CPZ: variants seen among roughly 807,000 people sequenced by gnomAD.
CPZ encodes the protein carboxypeptidase Z, also known as VEZT/CPZ fusion.
Under a neutral mutation model 61.8 loss-of-function variants are expected in CPZ, and 103 were observed. The observed-to-expected ratio is 1.67, with a 90% confidence interval of 1.42 to 1.96. The LOEUF (loss-of-function observed/expected upper bound fraction) is 1.96, where lower values mean the gene tolerates loss of function less well. Ranked by LOEUF, CPZ falls within the 30% of genes most tolerant of loss-of-function variation. The probability of loss-of-function intolerance (pLI) is 0.00; values close to 1 mark genes in which losing one functional copy is unlikely to be tolerated. For synonymous variants in CPZ, 551 were observed against 373.7 expected (o/e 1.47, Z -5.47); for missense variants, 1,461 against 914.9 (o/e 1.60, Z -7.70).
intron 7 of CPZ, among the ~76,000 whole-genome samples, chr4:8,608,725 C>G (rs141055557): frequency 1.4e-4 from 22 of 151,768 alleles, no homozygotes; most frequent in African/African-American, 4.6e-4. Flanking sequence ...AGGAGGGCTT[C>G]CCTGAGGTGG....
chr4:8,604,168 G>A lies in CPZ; in HGVS notation c.689G>A (p.Arg230His), dbSNP rs750155258. The change falls in exon 4 of 11, where the codon CGC (arginine) becomes CAC (histidine). Residue 230 changes from arginine to histidine, a missense_variant. Transcript: ENST00000360986. ...RELLVIEFSS[R>H]PGQHELMEPE... is the part of the protein sequence containing the mutation. ...CTGCTGGTCATCGAGTTCTCCAGCC[G>A]CCCCGGCCAGCACGAGCTGAGTGAG... 11 of 1,564,664 alleles carry A rather than the reference G, an allele frequency of 7.0e-6. No homozygotes were observed. Among genetic ancestry groups the A allele is most frequent in the South Asian group, 3.5e-5 (3 of 85,718 alleles).
In CPZ at chr4:8,619,283, G is replaced by A. The variant is rs201311801; in HGVS notation, c.1625G>A (p.Arg542Lys). 7 of 1,612,710 alleles carry A rather than the reference G, an allele frequency of 4.3e-6. No individual in the cohort carries two copies. The highest frequency in any genetic ancestry group is 2.2e-5 in the East Asian group (1 of 44,806). Residue 542 changes from arginine to lysine, a missense_variant, in exon 11 of 11, where the codon AGA becomes AAA. Transcript: ENST00000360986. ...ITTAPDGDYW[R>K]LLPPGIHIVI... ...ACAGCCCCAGATGGTGACTACTGGAGACTGCTGCCCCCAGGTATCCACATT... is the reference window on the plus strand; with the variant it reads ...ACAGCCCCAGATGGTGACTACTGGAAACTGCTGCCCCCAGGTATCCACATT...
intron 9 of CPZ, among the ~76,000 whole-genome samples, chr4:8,615,083 G>A (rs1057197185): frequency 6.6e-6 from 1 of 152,062 alleles, no homozygotes; most frequent in Non-Finnish European, 1.5e-5. Flanking sequence ...GGGTTTTGGG[G>A]CCTCAGAGTG....
In CPZ at chr4:8,592,804, C is replaced by T. The variant is rs746319959; in HGVS notation, c.-30C>T. The T allele has an allele frequency of 1.3e-5, 18 of 1,413,862 alleles. No individual in the cohort carries two copies. The African/African-American group carries it at 1.3e-4, about 11-fold the overall frequency. The allele number at this position is 1,413,862 out of a possible 1,614,324, so 87.6% of individuals were successfully genotyped here. On this transcript the variant is annotated 5_prime_UTR_variant, in exon 1 of 11. Coordinates refer to ENST00000360986, the MANE Select transcript of CPZ (RefSeq NM_001014447.3). ...GCGCGGCCCGAGTGCCACATCACTG[C>T]GCTGGCCGTCCAAGGTCCGCCGCCC...
chr4:8,617,619 T>A (rs1051947449), intron 9 of CPZ, among the ~76,000 whole-genome samples: 1 of 152,230 alleles, frequency 6.6e-6, no homozygotes, highest in Non-Finnish European at 1.5e-5. Flanking sequence ...AGGGCCTGGC[T>A]GGGAGCCCTT....
intron 7 of CPZ, among the ~76,000 whole-genome samples, chr4:8,609,425 A>C (rs900753419): frequency 2.8e-5 from 4 of 142,818 alleles, no homozygotes; most frequent in Admixed American, 6.7e-5. Context: ...TCCTTCCCTC[A>C]CTCATTCATT....
chr4:8,600,241 T>G (rs545401668), intron 2 of CPZ, among the ~76,000 whole-genome samples: 3 of 152,310 alleles, frequency 2.0e-5, no homozygotes, highest in African/African-American at 4.8e-5. Context: ...CCTCCCAAAA[T>G]GCTGGAATTA....
Position 8,617,859 on chromosome 4 carries a change from C to T in CPZ, c.1504-570C>T, listed in dbSNP as rs570279460. Among the ~76,000 whole-genome samples, 141 of 152,274 alleles carry T rather than the reference C, an allele frequency of 9.3e-4. No homozygotes were observed. In the Middle Eastern group the frequency reaches 0.01, roughly 11 times the overall value. ...GATCAGGCAGCTTTGGGAGGGCTTTCCAGGGTGAAAACGTTGGAGCTGTGG... is the reference window on the plus strand; with the variant it reads ...GATCAGGCAGCTTTGGGAGGGCTTTTCAGGGTGAAAACGTTGGAGCTGTGG... On this transcript the variant is annotated intron_variant, in intron 9 of 10. Transcript: ENST00000360986.
chr4:8,611,354 A>C (rs1715661031), intron 7 of CPZ: 1 of 442,520 alleles, frequency 2.3e-6, no homozygotes, highest in Non-Finnish European at 4.6e-6. Context: ...CAATGCGGGG[A>C]AGCTCTGGGC....
chr4:8,607,164 T>G (rs1715105080), intron 6 of CPZ, 103 bp from the exon 7 acceptor site: 1 of 1,366,272 alleles, frequency 7.3e-7, no homozygotes, highest in Non-Finnish European at 1.0e-6. Context: ...AGACCGTTAA[T>G]AGTCTGCACC....
rs1169942442 is a variant in CPZ at position 8,609,043 on chromosome 4, ACTCC to A, written c.1227+1630_1227+1633del. 6.3e-5 allele frequency among the ~76,000 whole-genome samples: 9 copies of A among 141,814 alleles called. No individual in the cohort carries two copies. The South Asian group carries it at 9.7e-4, about 15-fold the overall frequency. 93.0% of individuals were successfully genotyped at this position (141,814 alleles called of 152,430 possible). On this transcript the variant is annotated intron_variant, in intron 7 of 10. Coordinates refer to ENST00000360986, the MANE Select transcript of CPZ (RefSeq NM_001014447.3). ...AACTCACTCCTTCACTCACCCATTC[ACTCC>A]CTCCCTCCCTCACTCCCTCACTCAC... is the stretch of plus-strand genomic sequence containing the variant.
chr4:8,609,066 CACTCA>C (rs1715317019), intron 7 of CPZ, among the ~76,000 whole-genome samples: 2 of 106,696 alleles, frequency 1.9e-5, no homozygotes, highest in African/African-American at 7.4e-5. Flanking sequence ...CTCACTCCCT[CACTCA>C]CCACTCATAC....
chr4:8,612,062 C>T lies in CPZ; in HGVS notation c.1263C>T (p.Val421=). The change falls in exon 8 of 11, where the codon GTC becomes GTT. Residue 421 remains valine (V), a synonymous_variant. Transcript: ENST00000360986. ...FKLLSRAYAD[V]HPMMMDRSEN... ...TGCTGTCCAGAGCCTACGCTGACGT[C>T]CACCCCATGATGATGGACAGGTCGG... 4 of 1,613,984 alleles carry T rather than the reference C, an allele frequency of 2.5e-6. No individual in the cohort carries two copies. The highest frequency in any genetic ancestry group is 3.4e-6 in the Non-Finnish European group (4 of 1,180,016).
rs996306530 is a variant in CPZ at position 8,619,709 on chromosome 4, C to T, written c.*92C>T. 3 of 968,046 alleles carry T rather than the reference C, an allele frequency of 3.1e-6. No homozygotes were observed. Among genetic ancestry groups the T allele is most frequent in the Non-Finnish European group, 2.9e-6 (2 of 687,570 alleles). The allele number at this position is 968,046 out of a possible 1,614,324, so 60.0% of individuals were successfully genotyped here. ...CTTGATTTTGTCTGCCACAGACATC[C>T]CACAAAGCCGCTGCCATTTTATTAA... is the stretch of plus-strand genomic sequence containing the variant. On this transcript the variant is annotated 3_prime_UTR_variant, in exon 11 of 11. Coordinates refer to ENST00000360986, the MANE Select transcript of CPZ (RefSeq NM_001014447.3).
chr4:8,606,227 A>C, intron 5 of CPZ, 42 bp downstream of exon 5: 4 of 1,563,568 alleles, frequency 2.6e-6, no homozygotes, highest in Middle Eastern at 1.7e-4. Context: ...CACCGCCCGA[A>C]CCACCCCCTC....
In CPZ at chr4:8,592,892, C is replaced by T. The variant is rs767826049; in HGVS notation, c.59C>T (p.Pro20Leu). 4.6e-6 allele frequency: 7 copies of T among 1,534,438 alleles called. No individual in the cohort carries two copies. Among genetic ancestry groups the T allele is most frequent in the South Asian group, 3.6e-5 (3 of 83,564 alleles). Residue 20 changes from proline (P) to leucine (L), a missense_variant, in exon 1 of 11, where the codon CCG becomes CTG. Transcript: ENST00000360986. ...LTVLVVAAAR[P>L]GCEFERNPAG... ...GTCCTGGTCGTCGCCGCTGCCCGGC[C>T]GGGGTGCGAGTTTGAGCGGAACCCC...
chr4:8,606,213 G>C, intron 5 of CPZ, 28 bp downstream of exon 5: 1 of 1,597,896 alleles, frequency 6.3e-7, no homozygotes, highest in Non-Finnish European at 8.5e-7. Context: ...TGGATCCTGT[G>C]GGCCACCGCC....
rs1715983834 is a variant in CPZ at position 8,614,398 on chromosome 4, A to G, written c.1403A>G (p.Glu468Gly). The G allele has an allele frequency of 6.2e-6, 10 of 1,613,944 alleles. No individual in the cohort carries two copies. Among genetic ancestry groups the G allele is most frequent in the Non-Finnish European group, 8.5e-6 (10 of 1,179,920 alleles). ...AACTACCTGCACACCAACTGCTTTG[A>G]GATCACGGTAGAGCTGGGCTGTGTG... ...DFNYLHTNCF[E>G]ITVELGCVKF... Residue 468 changes from glutamate (E) to glycine (G), a missense_variant, in exon 9 of 11, where the codon GAG (glutamate) becomes GGG (glycine). Glu to Gly is a moderately conservative substitution (Grantham distance 98, BLOSUM62 -2). Transcript: ENST00000360986.
rs112325537 is a variant in CPZ, at chr4:8,604,222, G to A, written c.709+34G>A. Reference sequence around the variant, plus strand: ...CCTTGGGAGAGCCTGGCCTGGCCCCGTTTCGGGAAAGGGCTTGGGCCGCTC... The same window carrying A: ...CCTTGGGAGAGCCTGGCCTGGCCCCATTTCGGGAAAGGGCTTGGGCCGCTC... On this transcript the variant is annotated intron_variant, in intron 4 of 10. Coordinates refer to ENST00000360986, the MANE Select transcript of CPZ (RefSeq NM_001014447.3). 7.8e-4 allele frequency: 1,163 copies of A among 1,494,308 alleles called. 4 individuals carry two copies. The African/African-American group carries it at 0.011, about 14-fold the overall frequency. 92.6% of individuals were successfully genotyped at this position (1,494,308 alleles called of 1,614,324 possible).
Sources: gnomAD v4.1 joint callset for allele counts (sites outside exome capture counted in the v4.1 genomes callset) on GRCh38, gnomAD v4.1.1 for gene constraint, MANE v1.5 for transcripts, NCBI Gene and HGNC (gene_info 2026-07-23, HGNC 2026-07-21) for gene names.